The following KPTN variants were observed in gnomAD, a reference collection of about 807,000 sequenced individuals.
KPTN encodes kaptin, actin binding protein.
Under a neutral mutation model 52.6 loss-of-function variants are expected in KPTN, and 36 were observed. The ratio of observed to expected loss-of-function variants is 0.68; its 90% CI spans 0.52 to 0.90. The LOEUF (loss-of-function observed/expected upper bound fraction) is 0.90, where lower values mean the gene tolerates loss of function less well. Ranked by LOEUF, KPTN falls within the 40% of genes least tolerant of loss-of-function variation. The pLI is 0.00. For synonymous variants in KPTN, 271 were observed against 248.4 expected, an observed-to-expected ratio of 1.09 and a Z score of -0.85; for missense variants, 529 against 576.2, an observed-to-expected ratio of 0.92 and a Z score of 0.84.
At position 47,483,371 on chromosome 19, in the gene KPTN, C is replaced by A. The variant is rs778193046; in HGVS notation, c.318G>T (p.Gly106=). ...TGTTCAGGAAGGGGCTGCCCTTGTCCCCTGAATCCTGGCGGAGGACACGGG... is the reference window on the plus strand; with the variant it reads ...TGTTCAGGAAGGGGCTGCCCTTGTCACCTGAATCCTGGCGGAGGACACGGG... The part of the protein sequence containing the change: ...VVGITFIKDS[G]DKGSPFLNIY... The change falls in exon 3 of 12, where the codon GGG becomes GGT. Residue 106 remains glycine, a synonymous_variant. Transcript: ENST00000338134. 2.5e-6 allele frequency: 4 copies of A among 1,613,916 alleles called. No individual in the cohort carries two copies. The highest frequency in any genetic ancestry group is 3.4e-6 in the Non-Finnish European group (4 of 1,179,992).
chr19:47,476,413 C>T, intron 11 of KPTN, 119 bp downstream of exon 11: 1 of 669,808 alleles, frequency 1.5e-6, no homozygotes, highest in Non-Finnish European at 2.2e-6. Flanking sequence ...TGGGAGTTGT[C>T]CTGACTGGTA....
upstream of KPTN, among the ~76,000 whole-genome samples, chr19:47,485,375 G>A (rs772494713): frequency 1.2e-4 from 19 of 152,226 alleles, no homozygotes; most frequent in African/African-American, 4.6e-4. Flanking sequence ...GGTGGGGACA[G>A]GATGTAAACC....
At chr19:47,483,402 G>C in intron 2 of KPTN, 23 bp from the exon 3 acceptor site, 1 of 1,609,844 alleles carries the variant, frequency 6.2e-7, no homozygotes, top group Non-Finnish European at 8.5e-7. Flanking sequence ...ACGGGGTTCA[G>C]GGGAGGGCAG....
Position 47,477,747 on chromosome 19 carries a change from G to C in KPTN, c.822C>G (p.Ser274Arg). ...TKDRPLQDEY[S>R]VLVASMLEPA... ...GCTCCAACATGCTGGCCACGAGCACGCTGTACTCATCTTGTAGTGGCCTGT... is the reference window on the plus strand; with the variant it reads ...GCTCCAACATGCTGGCCACGAGCACCCTGTACTCATCTTGTAGTGGCCTGT... The change falls in exon 9 of 12, where the codon AGC (serine) becomes AGG (arginine). Residue 274 changes from serine to arginine, a missense_variant. Coordinates refer to ENST00000338134, the MANE Select transcript of KPTN (RefSeq NM_007059.4). 1 of 1,613,660 alleles carries C rather than the reference G, an allele frequency of 6.2e-7. No individual in the cohort carries two copies.
chr19:47,481,734 G>C (rs1967883725), intron 4 of KPTN: 1 of 152,216 alleles, frequency 6.6e-6, no homozygotes, highest in Non-Finnish European at 1.5e-5. Flanking sequence ...GAGTAGTTGT[G>C]ACAGACTGGC....
rs747905175 is a variant in KPTN, at chr19:47,484,180, T to G, written c.-20A>C. The G allele has an allele frequency of 1.3e-6, 2 of 1,577,154 alleles. No homozygotes were observed. Among genetic ancestry groups the G allele is most frequent in the Admixed American group, 1.7e-5 (1 of 58,624 alleles). ...CATCATGCCCCTCAGTTAAGCACCC[T>G]CTCCGCAGCCCCCGCCCCAACCCGC... On this transcript the variant is annotated 5_prime_UTR_variant, in exon 1 of 12. Coordinates refer to ENST00000338134, the MANE Select transcript of KPTN (RefSeq NM_007059.4).
At chr19:47,479,070 C>G (rs1254636947) in intron 8 of KPTN, among the ~76,000 whole-genome samples, 1 of 152,124 alleles carries the variant, frequency 6.6e-6, no homozygotes, top group African/African-American at 2.4e-5. Context: ...TGAGATGGAG[C>G]CTGGCTCCGC....
intron 9 of KPTN, among the ~76,000 whole-genome samples, chr19:47,477,364 T>TGA (rs1196994039): frequency 6.6e-6 from 1 of 152,158 alleles, no homozygotes; most frequent in Non-Finnish European, 1.5e-5. Context: ...GTTCATGGTT[T>TGA]GAAAGCCACC....
In KPTN at chr19:47,480,327, C is replaced by A; in HGVS notation, c.680G>T (p.Arg227Leu). 1 of 1,549,162 alleles carries A rather than the reference C, an allele frequency of 6.5e-7. No homozygotes were observed. Among genetic ancestry groups the A allele is most frequent in the South Asian group, 1.2e-5 (1 of 83,924 alleles). The part of the protein sequence containing the change: ...SALGCQSGYV[R>L]VAHVDQRSRE... The stretch of plus-strand genomic sequence containing the variant: ...ACTCCGCTGGTCCACGTGGGCGACA[C>A]GGACATAACCACTCTGACAGCCCAG... The change falls in exon 7 of 12, where the codon CGT becomes CTT. Residue 227 changes from arginine (R) to leucine (L), a missense_variant. Transcript: ENST00000338134.
At position 47,483,278 on chromosome 19, in the gene KPTN, G is replaced by A. The variant is rs538041871; in HGVS notation, c.394+17C>T. The A allele has an allele frequency of 5.0e-6, 8 of 1,613,418 alleles. No homozygotes were observed. In the East Asian group the frequency reaches 1.6e-4, roughly 31 times the overall value. ...TGCTGGGGACTCTCTCCCTCCTCCCGTCCACGCCTCACTCACGGGCAATAG... is the reference window on the plus strand; with the variant it reads ...TGCTGGGGACTCTCTCCCTCCTCCCATCCACGCCTCACTCACGGGCAATAG... On this transcript the variant is annotated intron_variant, in intron 3 of 11. Transcript: ENST00000338134.
upstream of KPTN, chr19:47,484,323 C>T: frequency 1.2e-6 from 1 of 856,760 alleles, no homozygotes; most frequent in Non-Finnish European, 1.7e-6. Context: ...GGCCAGGTCG[C>T]CTGCTCGGGC....
At chr19:47,484,230 G>A (rs998050839), upstream of KPTN, 13 of 1,501,978 alleles carry the variant, frequency 8.7e-6, no homozygotes, top group African/African-American at 1.8e-4. Flanking sequence ...GACTCTCTAA[G>A]CGACCTGAAC....
intron 11 of KPTN, 98 bp downstream of exon 11, chr19:47,476,434 C>T (rs1967667312): frequency 1.0e-6 from 1 of 1,003,684 alleles, no homozygotes; most frequent in South Asian, 1.7e-5. Flanking sequence ...GGAACTGCCT[C>T]CCTGAAATGA....
At chr19:47,483,003 G>A (rs922278346) in intron 4 of KPTN, 158 bp downstream of exon 4, 9 of 766,310 alleles carry the variant, frequency 1.2e-5, no homozygotes, top group African/African-American at 3.4e-5. Flanking sequence ...CACCGTGCCC[G>A]GCTGGCATTT....
rs530849178 is a variant in KPTN at position 47,481,756 on chromosome 19, A to G, written c.450-723T>C. On this transcript the variant is annotated intron_variant, in intron 4 of 11. Coordinates refer to ENST00000338134, the MANE Select transcript of KPTN (RefSeq NM_007059.4). ...TGTGACAGACTGGCCCTCAAAGCCT[A>G]ATATTTACTATCTGGATCTCTACCA... 6 of 152,352 alleles carry G rather than the reference A, an allele frequency of 3.9e-5. No homozygotes were observed. The East Asian group carries it at 1.2e-3, about 29-fold the overall frequency. 9.4% of individuals were successfully genotyped at this position (152,352 alleles called of 1,614,324 possible).
Position 47,483,196 on chromosome 19 carries a change from C to T in KPTN, c.414G>A (p.Glu138=), listed in dbSNP as rs1967946983. The T allele has an allele frequency of 6.2e-7, 1 of 1,614,102 alleles. No individual in the cohort carries two copies. Among genetic ancestry groups the T allele is most frequent in the Non-Finnish European group, 8.5e-7 (1 of 1,180,032 alleles). ...DSIAQSCLNL[E]LQFTPFQLCH... ...ACAGCTGGAACGGAGTGAACTGGAG[C>T]TCCAGGTTCAGGCAGCTCTCTGTAG... Residue 138 remains glutamate, a synonymous_variant, in exon 4 of 12, where the codon GAG becomes GAA. Transcript: ENST00000338134.
intron 8 of KPTN, among the ~76,000 whole-genome samples, chr19:47,478,966 C>T (rs1208155280): frequency 6.6e-6 from 1 of 152,180 alleles, no homozygotes; most frequent in Non-Finnish European, 1.5e-5. Flanking sequence ...GATGGGTGTG[C>T]TAAGATCTCA....
intron 8 of KPTN, 34 bp downstream of exon 8, chr19:47,479,829 G>C (rs765836591): frequency 8.1e-6 from 12 of 1,473,718 alleles, no homozygotes; most frequent in Non-Finnish European, 1.1e-5. Context: ...CCTCCCACCC[G>C]CTCTCTCCCC....
At position 47,483,587 on chromosome 19, in the gene KPTN, G is replaced by A. The variant is rs747235210; in HGVS notation, c.227-3C>T. ...GATGGAGACAATCTCCGCATCCACT[G>A]GGAGGGGAGAGTTCTAAGTTCAGTG... On this transcript the variant is annotated splice_polypyrimidine_tract_variant and splice_region_variant and intron_variant, in intron 1 of 11. Coordinates refer to ENST00000338134, the MANE Select transcript of KPTN (RefSeq NM_007059.4). 2.6e-6 allele frequency: 4 copies of A among 1,550,510 alleles called. No individual in the cohort carries two copies. The Admixed American group carries it at 7.8e-5, about 30-fold the overall frequency.
Sources: allele counts gnomAD v4.1 joint callset (sites outside exome capture counted in the v4.1 genomes callset), GRCh38; gene constraint gnomAD v4.1.1; transcripts MANE v1.5; gene names NCBI Gene and HGNC (gene_info 2026-07-23, HGNC 2026-07-21).